Variants in CDC42SE2 observed in about 807,000 individuals in gnomAD.
The protein encoded by CDC42SE2 is CDC42 small effector 2.
Under a neutral mutation model 11.5 loss-of-function variants are expected in CDC42SE2, and 3 were observed. The observed-to-expected ratio is 0.26, with a 90% CI of 0.12 to 0.67. CDC42SE2 has a LOEUF of 0.67. Among genes scored for constraint, CDC42SE2 ranks in the 30% least tolerant of loss-of-function variants. The pLI, the probability that CDC42SE2 is intolerant of heterozygous loss-of-function variation, is 0.80. For synonymous variants in CDC42SE2, 33 were observed against 34.8 expected, an observed-to-expected ratio of 0.95 and a Z score of 0.18; for missense variants, 82 against 106.8, an observed-to-expected ratio of 0.77 and a Z score of 1.02.
chr5:131,316,487 G>C (rs112349354), intron 2 of CDC42SE2, among the ~76,000 whole-genome samples: 24 of 152,332 alleles, frequency 1.6e-4, no homozygotes, highest in African/African-American at 5.8e-4. Flanking sequence ...AATCTTAGTT[G>C]TGGTAGGTCT....
chr5:131,293,912 C>G (rs1453749690), intron 1 of CDC42SE2, among the ~76,000 whole-genome samples: 1 of 152,180 alleles, frequency 6.6e-6, no homozygotes, highest in Non-Finnish European at 1.5e-5. Flanking sequence ...CGTGTCTTAA[C>G]TCCTTATAAA....
At chr5:131,366,550 G>GT (rs935475499) in intron 3 of CDC42SE2, among the ~76,000 whole-genome samples, 7 of 151,682 alleles carry the variant, frequency 4.6e-5, no homozygotes, top group Admixed American at 3.3e-4. Flanking sequence ...AGATTGGAGG[G>GT]TTTTTTTTGT....
chr5:131,293,659 G>A (rs1422504944), intron 1 of CDC42SE2, among the ~76,000 whole-genome samples: 1 of 151,790 alleles, frequency 6.6e-6, no homozygotes, highest in Non-Finnish European at 1.5e-5. Flanking sequence ...CCACAACTAT[G>A]AGAAACAAAT....
intron 3 of CDC42SE2, among the ~76,000 whole-genome samples, chr5:131,366,794 C>T (rs1456136514): frequency 6.6e-6 from 1 of 151,880 alleles, no homozygotes; most frequent in African/African-American, 2.4e-5. Flanking sequence ...GAGGCTGAGG[C>T]GGGAGCATTG....
At chr5:131,355,103 G>A (rs1749493548) in intron 2 of CDC42SE2, among the ~76,000 whole-genome samples, 1 of 152,122 alleles carries the variant, frequency 6.6e-6, no homozygotes, top group Admixed American at 6.6e-5. Flanking sequence ...CAAACTACAA[G>A]AAAATCTGAA....
chr5:131,309,226 C>T (rs1239490617), intron 1 of CDC42SE2, among the ~76,000 whole-genome samples: 1 of 151,942 alleles, frequency 6.6e-6, no homozygotes, highest in Non-Finnish European at 1.5e-5. Context: ...GTCTTTGGCT[C>T]TCTTTATATG....
intron 1 of CDC42SE2, among the ~76,000 whole-genome samples, chr5:131,248,029 A>C (rs1297106532): frequency 6.6e-6 from 1 of 152,146 alleles, no homozygotes; most frequent in Non-Finnish European, 1.5e-5. Flanking sequence ...ATTTTAGTAC[A>C]TTAGAAATAG....
intron 2 of CDC42SE2, among the ~76,000 whole-genome samples, chr5:131,337,492 A>G (rs1445548291): frequency 1.3e-5 from 2 of 152,232 alleles, no homozygotes; most frequent in African/African-American, 2.4e-5. Context: ...ACTCTCTTCA[A>G]AGCTGTCAGA....
chr5:131,235,663 C>T, the CDC42SE2 span, among the ~76,000 whole-genome samples: 3 of 151,746 alleles, frequency 2.0e-5, no homozygotes, highest in South Asian at 4.2e-4. Flanking sequence ...GGCATGGTCT[C>T]GGCTCACTGC....
chr5:131,277,453 C>T (rs1757127090), intron 1 of CDC42SE2, among the ~76,000 whole-genome samples: 1 of 152,160 alleles, frequency 6.6e-6, no homozygotes, highest in South Asian at 2.1e-4. Context: ...TCATTTATTC[C>T]ATTCAGTACA....
At chr5:131,301,275 C>T (rs1393888804) in intron 1 of CDC42SE2, among the ~76,000 whole-genome samples, 4 of 151,768 alleles carry the variant, frequency 2.6e-5, no homozygotes, top group South Asian at 2.1e-4. Flanking sequence ...TTCTATGGCC[C>T]GGGAGGATGA....
chr5:131,333,686 C>T (rs1023532254), intron 2 of CDC42SE2, among the ~76,000 whole-genome samples: 2 of 152,030 alleles, frequency 1.3e-5, no homozygotes, highest in African/African-American at 2.4e-5. Flanking sequence ...CCTTCACATC[C>T]CTTGTAAGTT....
intron 1 of CDC42SE2, among the ~76,000 whole-genome samples, chr5:131,252,412 G>T (rs1756647595): frequency 6.6e-6 from 1 of 152,192 alleles, no homozygotes; most frequent in Non-Finnish European, 1.5e-5. Flanking sequence ...CCAGCACTTT[G>T]GGAGGCCGAG....
At chr5:131,317,912 T>C (rs967841640) in intron 2 of CDC42SE2, among the ~76,000 whole-genome samples, 1 of 151,934 alleles carries the variant, frequency 6.6e-6, no homozygotes, top group Admixed American at 6.6e-5. Flanking sequence ...GGAGAATACC[T>C]TTTTTTCCTA....
intron 3 of CDC42SE2, among the ~76,000 whole-genome samples, chr5:131,381,748 GT>G (rs1750333852): frequency 6.6e-6 from 1 of 152,128 alleles, no homozygotes; most frequent in Non-Finnish European, 1.5e-5. Flanking sequence ...CTTCTAACAT[GT>G]TTTCCACCTA....
In CDC42SE2 at chr5:131,390,969, T is replaced by G. The variant is rs750566130; in HGVS notation, c.157-24T>G. Reference sequence around the variant, plus strand: ...CTACTTCCTGACTTCCATTTTGTTTTGTTGTATTTTTGTCTTGTTTTAGGT... The same window carrying G: ...CTACTTCCTGACTTCCATTTTGTTTGGTTGTATTTTTGTCTTGTTTTAGGT... On this transcript the variant is annotated intron_variant, in intron 4 of 4. Transcript: ENST00000505065. 4.6e-6 allele frequency: 7 copies of G among 1,529,960 alleles called. No individual in the cohort carries two copies. In the African/African-American group the frequency reaches 6.9e-5, roughly 15 times the overall value. 94.8% of individuals were successfully genotyped at this position (1,529,960 alleles called of 1,614,324 possible). A position where few individuals can be genotyped will look rare whatever the true frequency, so the allele number is the denominator to read the frequency against.
At chr5:131,311,901 A>G (rs1046216953) in intron 1 of CDC42SE2, among the ~76,000 whole-genome samples, 12 of 152,268 alleles carry the variant, frequency 7.9e-5, no homozygotes, top group Non-Finnish European at 1.3e-4. Flanking sequence ...GTCCTCCAGT[A>G]GCTCAGAGTA....
Position 131,393,931 on chromosome 5 carries a change from C to CACTA in CDC42SE2, c.*2844_*2847dup, listed in dbSNP as rs547872861. The stretch of plus-strand genomic sequence containing the variant: ...CAGCCTATAACTACTCTGCAGCTGC[C>CACTA]ACTAACTCTACAGGCACAGTAACTA... On this transcript the variant is annotated 3_prime_UTR_variant, in exon 5 of 5. Transcript: ENST00000505065. The CACTA allele has an allele frequency of 1.8e-3, 278 of 151,152 alleles. 1 individual carries two copies. Among genetic ancestry groups the CACTA allele is most frequent in the African/African-American group, 6.3e-3 (258 of 40,906 alleles). 9.4% of individuals were successfully genotyped at this position (151,152 alleles called of 1,614,324 possible). A position where few individuals can be genotyped will look rare whatever the true frequency, so the allele number is the denominator to read the frequency against.
At chr5:131,342,203 T>TG (rs1256491607) in intron 2 of CDC42SE2, among the ~76,000 whole-genome samples, 3 of 138,980 alleles carry the variant, frequency 2.2e-5, no homozygotes, top group Admixed American at 1.5e-4. Context: ...TCACTTGAAC[T>TG]GGGGGGGTGG....
Sources: allele counts gnomAD v4.1 joint callset (sites outside exome capture counted in the v4.1 genomes callset), GRCh38; gene constraint gnomAD v4.1.1; transcripts MANE v1.5; gene names NCBI Gene and HGNC (gene_info 2026-07-23, HGNC 2026-07-21).